REEP5: variants seen among roughly 807,000 people sequenced by gnomAD.
The protein encoded by REEP5 is receptor expression-enhancing protein 5.
In REEP5, 24 loss-of-function variants were observed where a neutral mutation model predicts 22.4. That is an observed-to-expected ratio of 1.07 (90% CI 0.78 to 1.51). REEP5 has a LOEUF of 1.51. Among genes scored for constraint, REEP5 ranks in the 40% most tolerant of loss-of-function variants. The pLI, the probability that REEP5 is intolerant of heterozygous loss-of-function variation, is 0.00. For synonymous variants in REEP5, 103 were observed against 88.6 expected, an observed-to-expected ratio of 1.16 and a Z score of -0.92; for missense variants, 252 against 233.0, an observed-to-expected ratio of 1.08 and a Z score of -0.53.
chr5:112,897,357 A>ACG lies in REEP5; in HGVS notation c.351+5022_351+5023insCG, dbSNP rs1417920385. On this transcript the variant is annotated intron_variant, in intron 3 of 4. Transcript: ENST00000379638. ...CTACATAAAACACATCCCATCACAC[A>ACG]CACACACACACACACACACACACAC... The ACG allele has an allele frequency of 8.4e-5, 4 of 47,730 alleles. No homozygotes were observed. In the East Asian group the frequency reaches 1.8e-3, roughly 22 times the overall value. The allele number at this position is 47,730 out of a possible 1,614,324, so 3.0% of individuals were successfully genotyped here.
rs199535089 is a variant in REEP5 at position 112,887,091 on chromosome 5, G to A, written c.444C>T (p.His148=). The A allele has an allele frequency of 1.4e-5, 22 of 1,613,702 alleles. No homozygotes were observed. The highest frequency in any genetic ancestry group is 8.8e-5 in the South Asian group (8 of 91,064). ...TGACCACACTGTCCATCTGGGACTCGTGCTTCAGGAAGAAAGGACGGATGA... is the reference window on the plus strand; with the variant it reads ...TGACCACACTGTCCATCTGGGACTCATGCTTCAGGAAGAAAGGACGGATGA... ...KRIIRPFFLK[H]ESQMDSVVKD... is the part of the protein sequence containing the mutation. Residue 148 remains histidine, a synonymous_variant, in exon 4 of 5, where the codon CAC becomes CAT. Transcript: ENST00000379638.
chr5:112,921,103 G>T, intron 2 of REEP5, 60 bp downstream of exon 2: 1 of 1,523,010 alleles, frequency 6.6e-7, no homozygotes, highest in Non-Finnish European at 9.1e-7. Context: ...GTCTACTGCA[G>T]CAGCCCTGCG....
intron 3 of REEP5, 114 bp from the exon 4 acceptor site, chr5:112,887,297 A>G (rs1768286786): frequency 9.9e-7 from 1 of 1,011,952 alleles, no homozygotes; most frequent in Non-Finnish European, 1.3e-6. Context: ...TATTTTCCCC[A>G]AAGGCATTAC....
At chr5:112,892,747 G>C (rs1273621192) in intron 3 of REEP5, 1 of 1,613,896 alleles carries the variant, frequency 6.2e-7, no homozygotes, top group Non-Finnish European at 8.5e-7. Flanking sequence ...CGAGAGGAGG[G>C]AGAAGATGGG....
chr5:112,910,756 C>A (rs17135168), intron 2 of REEP5, among the ~76,000 whole-genome samples: 4,426 of 152,240 alleles, frequency 0.029, 173 homozygotes, highest in African/African-American at 0.088. Context: ...TTACAGCAAC[C>A]GGTCACTATC....
chr5:112,907,811 C>A (rs1481580902), intron 2 of REEP5, among the ~76,000 whole-genome samples: 2 of 151,980 alleles, frequency 1.3e-5, no homozygotes, highest in Non-Finnish European at 2.9e-5. Context: ...TATTCTGAAG[C>A]CTTTAAAAAG....
intron 4 of REEP5, 141 bp downstream of exon 4, chr5:112,886,874 A>G (rs748619701): frequency 5.3e-5 from 31 of 582,874 alleles, no homozygotes; most frequent in Non-Finnish European, 9.0e-5. Flanking sequence ...ATAGGCAAAG[A>G]CTTTGTAAAG....
intron 2 of REEP5, among the ~76,000 whole-genome samples, chr5:112,902,907 T>A (rs766113949): frequency 6.6e-6 from 1 of 152,234 alleles, no homozygotes; most frequent in Non-Finnish European, 1.5e-5. Context: ...CAGGTTCTTA[T>A]GTACTTTTAA....
intron 3 of REEP5, among the ~76,000 whole-genome samples, chr5:112,899,376 C>A (rs9687790): frequency 0.052 from 7,897 of 152,074 alleles, 511 homozygotes; most frequent in East Asian, 0.16. Context: ...AACTCCTGGC[C>A]TCAAGCAGTC....
intron 2 of REEP5, among the ~76,000 whole-genome samples, chr5:112,913,072 G>C (rs1264704450): frequency 6.6e-6 from 1 of 152,182 alleles, no homozygotes; most frequent in Non-Finnish European, 1.5e-5. Flanking sequence ...GGGAGGCCAA[G>C]GCAGATGGAT....
intron 3 of REEP5, among the ~76,000 whole-genome samples, chr5:112,891,385 T>C (rs1443482905): frequency 6.6e-6 from 1 of 152,120 alleles, no homozygotes; most frequent in Non-Finnish European, 1.5e-5. Flanking sequence ...AAGTAAATAT[T>C]TTAGAACTCT....
chr5:112,914,260 GTTT>G (rs1364211794), intron 2 of REEP5, among the ~76,000 whole-genome samples: 1 of 150,162 alleles, frequency 6.7e-6, no homozygotes, highest in African/African-American at 2.4e-5. Context: ...GTGTGTGTGT[GTTT>G]TTTTGAGACA....
At position 112,877,862 on chromosome 5, in the gene REEP5, G is replaced by GAAGAT. The variant is rs1561644143; in HGVS notation, c.*919_*923dup. On this transcript the variant is annotated 3_prime_UTR_variant, in exon 5 of 5. Transcript: ENST00000379638. ...CTAAATCAACATGTTTCTCCGCTTT[G>GAAGAT]AAGATAAAACCAGAAATGGTTTCCA... 1 of 152,172 alleles carries GAAGAT rather than the reference G, an allele frequency of 6.6e-6. No homozygotes were observed. The highest frequency in any genetic ancestry group is 1.5e-5 in the Non-Finnish European group (1 of 68,008). 9.4% of individuals were successfully genotyped at this position (152,172 alleles called of 1,614,324 possible). A position where few individuals can be genotyped will look rare whatever the true frequency, so the allele number is the denominator to read the frequency against.
intron 3 of REEP5, among the ~76,000 whole-genome samples, chr5:112,888,902 A>ATATCT (rs1768345602): frequency 6.6e-6 from 1 of 150,776 alleles, no homozygotes. Context: ...TGTGGAAAGG[A>ATATCT]CAGGGTGAGA....
intron 4 of REEP5, among the ~76,000 whole-genome samples, chr5:112,883,790 A>C (rs992481202): frequency 5.3e-5 from 8 of 151,718 alleles, no homozygotes; most frequent in Non-Finnish European, 8.8e-5. Flanking sequence ...CACCCACCAC[A>C]ACCTCCCACC....
chr5:112,903,552 C>T (rs1331227940), intron 2 of REEP5, among the ~76,000 whole-genome samples: 3 of 152,126 alleles, frequency 2.0e-5, no homozygotes, highest in South Asian at 2.1e-4. Flanking sequence ...TGTAACCAAA[C>T]GCCACCTGTT....
At chr5:112,914,706 T>C (rs1035245289) in intron 2 of REEP5, among the ~76,000 whole-genome samples, 13 of 152,136 alleles carry the variant, frequency 8.5e-5, no homozygotes, top group African/African-American at 2.7e-4. Flanking sequence ...TGCCTTTTCC[T>C]AGGTAAAGGA....
At chr5:112,910,582 T>TC (rs1251751058) in intron 2 of REEP5, among the ~76,000 whole-genome samples, 1 of 151,842 alleles carries the variant, frequency 6.6e-6, no homozygotes, top group Admixed American at 6.5e-5. Flanking sequence ...AGAGTATCTG[T>TC]CCCCATAAAT....
rs1767940649 is a variant in REEP5, at chr5:112,877,720, TGTC to T, written c.*1063_*1065del. The T allele has an allele frequency of 1.3e-5, 2 of 152,168 alleles. No individual in the cohort carries two copies. The highest frequency in any genetic ancestry group is 6.5e-5 in the Admixed American group (1 of 15,272). 9.4% of individuals were successfully genotyped at this position (152,168 alleles called of 1,614,324 possible). The stretch of plus-strand genomic sequence containing the variant: ...TCCCAGAATTGCTCTTAGAGCTAGG[TGTC>T]GTCATTAGCATGTTGTTGCTAATGA... On this transcript the variant is annotated 3_prime_UTR_variant, in exon 5 of 5. Coordinates refer to ENST00000379638, the MANE Select transcript of REEP5 (RefSeq NM_005669.5).
Sources: gnomAD v4.1 joint callset for allele counts (sites outside exome capture counted in the v4.1 genomes callset) on GRCh38, gnomAD v4.1.1 for gene constraint, MANE v1.5 for transcripts, NCBI Gene and HGNC (gene_info 2026-07-23, HGNC 2026-07-21) for gene names.